Variants in PHKB observed in about 807,000 individuals in gnomAD.
PHKB encodes phosphorylase b kinase regulatory subunit beta.
PHKB carries 122 observed loss-of-function variants against 152.1 expected under a neutral mutation model. The observed-to-expected ratio is 0.80, with a 90% confidence interval of 0.69 to 0.93. The LOEUF (loss-of-function observed/expected upper bound fraction) is 0.93, where lower values mean the gene tolerates loss of function less well. PHKB is among the 40% of genes least tolerant of loss of function. PHKB has a pLI of 0.00. For synonymous variants in PHKB, 436 were observed against 464.9 expected (o/e 0.94, Z 0.80); for missense variants, 1,304 against 1,328.4 (o/e 0.98, Z 0.29).
At chr16:47,479,397 T>G (rs765597880) in intron 1 of PHKB, among the ~76,000 whole-genome samples, 2 of 152,156 alleles carry the variant, frequency 1.3e-5, no homozygotes, top group Non-Finnish European at 2.9e-5. Flanking sequence ...GCTGTCTAAT[T>G]TTGATCTCTG....
intron 6 of PHKB, among the ~76,000 whole-genome samples, chr16:47,542,040 C>T (rs565673742): frequency 6.6e-6 from 1 of 152,224 alleles, no homozygotes; most frequent in South Asian, 2.1e-4. Context: ...GTTACCATTG[C>T]TTTTGGTGTT....
intron 1 of PHKB, among the ~76,000 whole-genome samples, chr16:47,492,784 G>C (rs2151639535): frequency 6.6e-6 from 1 of 152,318 alleles, no homozygotes; most frequent in Middle Eastern, 3.4e-3. Context: ...GGATGAAAAG[G>C]CTTAAAAATG....
intron 7 of PHKB, among the ~76,000 whole-genome samples, chr16:47,577,814 G>A (rs1037370846): frequency 1.3e-5 from 2 of 152,090 alleles, no homozygotes; most frequent in Non-Finnish European, 2.9e-5. Context: ...AAGTTACGAT[G>A]TGTCTTAGCA....
chr16:47,481,037 C>G (rs755641120), intron 1 of PHKB, among the ~76,000 whole-genome samples: 5 of 152,110 alleles, frequency 3.3e-5, no homozygotes, highest in Admixed American at 6.6e-5. Context: ...GTGGATGTGA[C>G]AACTTCGTAC....
intron 14 of PHKB, among the ~76,000 whole-genome samples, chr16:47,625,969 C>A: frequency 6.6e-6 from 1 of 152,142 alleles, no homozygotes; most frequent in East Asian, 1.9e-4. Context: ...GAAGTCCTTA[C>A]GTAGTTGTCT....
intron 16 of PHKB, among the ~76,000 whole-genome samples, chr16:47,643,574 GT>G (rs1414160335): frequency 6.6e-6 from 1 of 152,210 alleles, no homozygotes; most frequent in African/African-American, 2.4e-5. Context: ...ATGGAAGATT[GT>G]TTTTTGGTTG....
At chr16:47,572,899 T>A (rs373333324) in intron 7 of PHKB, among the ~76,000 whole-genome samples, 2 of 152,172 alleles carry the variant, frequency 1.3e-5, no homozygotes, top group African/African-American at 4.8e-5. Flanking sequence ...TAGAGGGCTG[T>A]GTCAGTTGAC....
At position 47,596,504 on chromosome 16, in the gene PHKB, G is replaced by C; in HGVS notation, c.1336G>C (p.Ala446Pro). ...TGGAAAACTGTTTCTTTGGGGACAAGCACTTTATATCATCGCAAAACTCCT... is the reference window on the plus strand; with the variant it reads ...TGGAAAACTGTTTCTTTGGGGACAACCACTTTATATCATCGCAAAACTCCT... ...RDGKLFLWGQ[A>P]LYIIAKLLAD... is the part of the protein sequence containing the mutation. The change falls in exon 13 of 31, where the codon GCA becomes CCA. Residue 446 changes from alanine (A) to proline (P), a missense_variant. Physicochemically the swap from Ala to Pro is conservative, Grantham distance 27. Coordinates refer to ENST00000323584, the MANE Select transcript of PHKB (RefSeq NM_000293.3). 1 of 1,613,916 alleles carries C rather than the reference G, an allele frequency of 6.2e-7. No homozygotes were observed. Among genetic ancestry groups the C allele is most frequent in the East Asian group, 2.2e-5 (1 of 44,858 alleles).
rs1970349993 is a variant in PHKB, at chr16:47,503,061, C to A, written c.376C>A (p.Leu126Ile). 4 of 1,611,286 alleles carry A rather than the reference C, an allele frequency of 2.5e-6. No homozygotes were observed. The highest frequency in any genetic ancestry group is 2.7e-5 in the African/African-American group (2 of 75,006). The change falls in exon 4 of 31, where the codon CTC becomes ATC. Residue 126 changes from leucine to isoleucine, a missense_variant. Coordinates refer to ENST00000323584, the MANE Select transcript of PHKB (RefSeq NM_000293.3). The stretch of plus-strand genomic sequence containing the variant: ...AGCTATAAAATGCATGAGAGGAATT[C>A]TCTACTGCTATATGCGTCAGGCCGA... ...HSAIKCMRGI[L>I]YCYMRQADKV...
chr16:47,561,483 A>G (rs1217225858), intron 7 of PHKB: 1 of 152,144 alleles, frequency 6.6e-6, no homozygotes, highest in Non-Finnish European at 1.5e-5. Flanking sequence ...TTTTTTGTGA[A>G]TTCTCTTTTT....
intron 6 of PHKB, among the ~76,000 whole-genome samples, chr16:47,538,573 G>T (rs1399598011): frequency 1.3e-5 from 2 of 152,234 alleles, no homozygotes; most frequent in African/African-American, 2.4e-5. Context: ...GCCCCTGAGG[G>T]CAAATGTCTC....
intron 26 of PHKB, among the ~76,000 whole-genome samples, chr16:47,674,869 C>T (rs1973699216): frequency 6.6e-6 from 1 of 152,188 alleles, no homozygotes; most frequent in Non-Finnish European, 1.5e-5. Context: ...GGAAAATCTT[C>T]CACCTCCCCT....
At position 47,589,043 on chromosome 16, in the gene PHKB, G is replaced by A; in HGVS notation, c.1009G>A (p.Gly337Arg). ...TGGATTTAAACGTTTCTTGAGAGATGGGTATAGAACATCATTGGAAGATCC... is the reference window on the plus strand; with the variant it reads ...TGGATTTAAACGTTTCTTGAGAGATAGGTATAGAACATCATTGGAAGATCC... ...KYGFKRFLRD[G>R]YRTSLEDPNR... Residue 337 changes from glycine (G) to arginine (R), a missense_variant, in exon 10 of 31, where the codon GGG becomes AGG. By Grantham distance (125) the Gly-to-Arg change is moderately radical (BLOSUM62 -2). Coordinates refer to ENST00000323584, the MANE Select transcript of PHKB (RefSeq NM_000293.3). 6.2e-7 allele frequency: 1 copy of A among 1,613,562 alleles called. No homozygotes were observed. The highest frequency in any genetic ancestry group is 2.2e-5 in the East Asian group (1 of 44,880).
intron 26 of PHKB, among the ~76,000 whole-genome samples, chr16:47,671,058 A>C (rs1304550632): frequency 6.6e-6 from 1 of 152,174 alleles, no homozygotes; most frequent in Non-Finnish European, 1.5e-5. Context: ...GCAAATCCAT[A>C]TCTTCTAATC....
In PHKB at chr16:47,688,444, A is replaced by T. The variant is rs577969136; in HGVS notation, c.2631-597A>T. Reference sequence around the variant, plus strand: ...TAATTAAATATTTTGGCTCTTCTGCAACCTATTGGTTAAAGTACATCTTTA... The same window carrying T: ...TAATTAAATATTTTGGCTCTTCTGCTACCTATTGGTTAAAGTACATCTTTA... On this transcript the variant is annotated intron_variant, in intron 26 of 30. Transcript: ENST00000323584. Among the ~76,000 whole-genome samples the T allele has an allele frequency of 1.4e-4, 22 of 152,364 alleles. No individual in the cohort carries two copies. In the South Asian group the frequency reaches 4.3e-3, roughly 30 times the overall value.
intron 26 of PHKB, 123 bp from the exon 27 acceptor site, chr16:47,688,918 T>C: frequency 9.8e-7 from 1 of 1,017,952 alleles, no homozygotes; most frequent in Non-Finnish European, 1.6e-6. Context: ...TTCAGGAAAC[T>C]CAAACGGCCT....
chr16:47,490,292 G>C (rs1167109599), intron 1 of PHKB, among the ~76,000 whole-genome samples: 2 of 152,136 alleles, frequency 1.3e-5, no homozygotes, highest in Non-Finnish European at 2.9e-5. Context: ...ATTAGAAGAA[G>C]ACAACAATTA....
chr16:47,505,005 G>A (rs1970388594), intron 4 of PHKB, among the ~76,000 whole-genome samples: 3 of 152,214 alleles, frequency 2.0e-5, no homozygotes, highest in Admixed American at 2.0e-4. Context: ...TGTGTAAATC[G>A]ATTGGTCATC....
At chr16:47,541,287 G>A (rs1226513362) in intron 6 of PHKB, among the ~76,000 whole-genome samples, 1 of 152,080 alleles carries the variant, frequency 6.6e-6, no homozygotes, top group Admixed American at 6.6e-5. Flanking sequence ...GAGAATGATG[G>A]TTTCCAGCTT....
Sources: allele counts gnomAD v4.1 joint callset (sites outside exome capture counted in the v4.1 genomes callset), GRCh38; gene constraint gnomAD v4.1.1; transcripts MANE v1.5; gene names NCBI Gene and HGNC (gene_info 2026-07-23, HGNC 2026-07-21).